The following NRDE2 variants were observed in gnomAD, a reference collection of about 807,000 sequenced individuals.
NRDE2 encodes the protein nuclear exosome regulator NRDE2.
In NRDE2, 76 loss-of-function variants were observed where a neutral mutation model predicts 124.2. That is an observed-to-expected ratio of 0.61 (90% CI 0.51 to 0.74). NRDE2 has a LOEUF of 0.74. NRDE2 is among the 30% of genes least tolerant of loss of function. NRDE2 has a pLI of 0.00. For missense variants in NRDE2, 1,314 were observed against 1,417.3 expected (o/e 0.93, Z 1.17); for synonymous variants, 489 against 528.1 (o/e 0.93, Z 1.01).
intron 4 of NRDE2, among the ~76,000 whole-genome samples, chr14:90,306,594 AG>A (rs1217347272): frequency 1.6e-4 from 24 of 152,116 alleles, no homozygotes; most frequent in Non-Finnish European, 3.1e-4. Context: ...GTGGATCACC[AG>A]AGGTCGGGAG....
In NRDE2 at chr14:90,330,728, A is replaced by C. The variant is rs76967277; in HGVS notation, c.64+1113T>G. 3.9e-3 allele frequency among the ~76,000 whole-genome samples: 594 copies of C among 151,912 alleles called. 4 individuals are homozygous for C. The highest frequency in any genetic ancestry group is 0.014 in the African/African-American group (563 of 41,388). On this transcript the variant is annotated intron_variant, in intron 1 of 13. Transcript: ENST00000354366. ...TTCATGAGGCTGAGGCAGGAAGTTA[A>C]GCCCAGGAGTCTGAGGCGGCAGTGA...
At position 90,273,883 on chromosome 14, in the gene NRDE2, C is replaced by T. The variant is rs1487378650; in HGVS notation, c.*4453G>A. ...GCCCAGTCCCTCTCTCCCACCGACC[C>T]TTCTTTCTGCCTGCCTTTTCTATTC... On this transcript the variant is annotated 3_prime_UTR_variant, in exon 14 of 14. Transcript: ENST00000354366. 4 of 154,996 alleles carry T rather than the reference C, an allele frequency of 2.6e-5. No homozygotes were observed. Among genetic ancestry groups the T allele is most frequent in the African/African-American group, 9.6e-5 (4 of 41,540 alleles). The allele number at this position is 154,996 out of a possible 1,614,324, so 9.6% of individuals were successfully genotyped here. A position where few individuals can be genotyped will look rare whatever the true frequency, so the allele number is the denominator to read the frequency against.
rs1206536304 is a variant in NRDE2 at position 90,276,767 on chromosome 14, C to G, written c.*1569G>C. The G allele has an allele frequency of 6.6e-6, 1 of 152,228 alleles. No homozygotes were observed. Among genetic ancestry groups the G allele is most frequent in the Non-Finnish European group, 1.5e-5 (1 of 68,112 alleles). The allele number at this position is 152,228 out of a possible 1,614,324, so 9.4% of individuals were successfully genotyped here. On this transcript the variant is annotated 3_prime_UTR_variant, in exon 14 of 14. Transcript: ENST00000354366. ...CCAGCTGATCAGAGGCCACGCCCTT[C>G]TAAGTTCTGAACCAGATGAGAAGAG...
rs1595045832 is a variant in NRDE2, at chr14:90,269,629, A to G, written c.*8707T>C. The G allele has an allele frequency of 6.7e-7, 1 of 1,482,744 alleles. No individual in the cohort carries two copies. The allele number at this position is 1,482,744 out of a possible 1,614,324, so 91.8% of individuals were successfully genotyped here. Reference sequence around the variant, plus strand: ...AAGTGTGCTTTGGGAGGCCTATAAAATGATACATAAAAAAGCAAATACTGC... The same window carrying G: ...AAGTGTGCTTTGGGAGGCCTATAAAGTGATACATAAAAAAGCAAATACTGC... On this transcript the variant is annotated 3_prime_UTR_variant, in exon 14 of 14. Coordinates refer to ENST00000354366, the MANE Select transcript of NRDE2 (RefSeq NM_017970.4).
intron 11 of NRDE2, among the ~76,000 whole-genome samples, chr14:90,287,062 A>AAAAAG (rs1555359508): frequency 2.0e-5 from 3 of 149,898 alleles, no homozygotes; most frequent in Non-Finnish European, 4.4e-5. Context: ...AAAAAAAAAA[A>AAAAAG]AGAGAAAGAA....
intron 1 of NRDE2, among the ~76,000 whole-genome samples, chr14:90,320,772 G>A (rs1160653059): frequency 6.6e-6 from 1 of 152,198 alleles, no homozygotes; most frequent in African/African-American, 2.4e-5. Flanking sequence ...ACCAGGCTAA[G>A]AACTTACATC....
chr14:90,294,304 G>T (rs188240009), intron 8 of NRDE2, among the ~76,000 whole-genome samples: 1 of 151,654 alleles, frequency 6.6e-6, no homozygotes, highest in Admixed American at 6.6e-5. Flanking sequence ...ATGGAAAACA[G>T]CATGGCATAC....
chr14:90,291,617 T>A (rs1320891739), intron 9 of NRDE2, among the ~76,000 whole-genome samples: 1 of 148,080 alleles, frequency 6.8e-6, no homozygotes. Flanking sequence ...GCAAGAGGCC[T>A]CCCAGGTAAG....
intron 12 of NRDE2, among the ~76,000 whole-genome samples, chr14:90,281,881 G>A (rs997034604): frequency 1.3e-5 from 2 of 152,178 alleles, no homozygotes; most frequent in African/African-American, 4.8e-5. Context: ...GTTTATCTCT[G>A]ATAGAACTCA....
chr14:90,289,080 T>C lies in NRDE2; in HGVS notation c.2295A>G (p.Lys765=). The part of the protein sequence containing the change: ...RLKSQGKNCK[K]LAKNLLKEPE... The stretch of plus-strand genomic sequence containing the variant: ...GCTCCTTAAGGAGATTCTTGGCTAG[T>C]TTTTTGCAGTTCTTCCCTTGAGACT... The change falls in exon 11 of 14, where the codon AAA becomes AAG. Residue 765 remains lysine, a synonymous_variant. Transcript: ENST00000354366. 1 of 1,613,982 alleles carries C rather than the reference T, an allele frequency of 6.2e-7. No homozygotes were observed. Among genetic ancestry groups the C allele is most frequent in the Middle Eastern group, 1.7e-4 (1 of 6,060 alleles).
At chr14:90,284,335 CTT>C (rs1219207748) in intron 12 of NRDE2, among the ~76,000 whole-genome samples, 1 of 150,824 alleles carries the variant, frequency 6.6e-6, no homozygotes, top group Non-Finnish European at 1.5e-5. Context: ...AAGGAGGTCA[CTT>C]TGTTTTTTTT....
At chr14:90,297,083 G>A (rs1884196580) in intron 8 of NRDE2, among the ~76,000 whole-genome samples, 1 of 149,764 alleles carries the variant, frequency 6.7e-6, no homozygotes, top group Non-Finnish European at 1.5e-5. Context: ...AGGTTGCAGT[G>A]AGCCAAGATC....
In NRDE2 at chr14:90,292,877, A is replaced by T. The variant is rs368797780; in HGVS notation, c.1667-5T>A. The stretch of plus-strand genomic sequence containing the variant: ...CTGGTTCATCGTCATCCTCATCTAG[A>T]CAAGAATGAGACTTCTTCACCTCAT... On this transcript the variant is annotated splice_region_variant and splice_polypyrimidine_tract_variant and intron_variant, in intron 8 of 13. Transcript: ENST00000354366. 1 of 1,610,564 alleles carries T rather than the reference A, an allele frequency of 6.2e-7. No individual in the cohort carries two copies. The highest frequency in any genetic ancestry group is 1.3e-5 in the African/African-American group (1 of 74,812).
Position 90,270,430 on chromosome 14 carries a change from T to G in NRDE2, c.*7906A>C. On this transcript the variant is annotated 3_prime_UTR_variant, in exon 14 of 14. Transcript: ENST00000354366. ...AAAGAGTCTATATGTGCTCTTGGGA[T>G]GGTGGTTGGCCTGGACAGGTGGGTG... 2 of 1,494,010 alleles carry G rather than the reference T, an allele frequency of 1.3e-6. 1 individual carries two copies. The highest frequency in any genetic ancestry group is 2.6e-5 in the South Asian group (2 of 77,746). The allele number at this position is 1,494,010 out of a possible 1,614,324, so 92.5% of individuals were successfully genotyped here. A position where few individuals can be genotyped will look rare whatever the true frequency, so the allele number is the denominator to read the frequency against.
At chr14:90,288,189 G>A (rs748167823) in intron 11 of NRDE2, 28 bp downstream of exon 11, 33 of 1,584,240 alleles carry the variant, frequency 2.1e-5, no homozygotes, top group South Asian at 1.4e-4. Flanking sequence ...CATTTGCGGG[G>A]CACACGAACA....
rs1401375991 is a variant in NRDE2 at position 90,274,832 on chromosome 14, A to ACCC, written c.*3503_*3504insGGG. On this transcript the variant is annotated 3_prime_UTR_variant, in exon 14 of 14. Coordinates refer to ENST00000354366, the MANE Select transcript of NRDE2 (RefSeq NM_017970.4). The stretch of plus-strand genomic sequence containing the variant: ...CACACACACACACACACACACACAC[A>ACCC]CACACACCCCAATACATATGAATTG... The ACCC allele has an allele frequency of 4.6e-5, 3 of 64,608 alleles. No individual in the cohort carries two copies. The highest frequency in any genetic ancestry group is 4.0e-4 in the South Asian group (1 of 2,522). The allele number at this position is 64,608 out of a possible 1,614,324, so 4.0% of individuals were successfully genotyped here. A position where few individuals can be genotyped will look rare whatever the true frequency, so the allele number is the denominator to read the frequency against.
rs1250779900 is a variant in NRDE2, at chr14:90,310,404, G to T, written c.557+1990C>A. On this transcript the variant is annotated intron_variant, in intron 4 of 13. Transcript: ENST00000354366. ...TTTCCTCATTTGTAAAATGAAGAGG[G>T]TTCTCCTCGTCCTCCTCACAGAGCA... Among the ~76,000 whole-genome samples, 6 of 152,184 alleles carry T rather than the reference G, an allele frequency of 3.9e-5. No homozygotes were observed. The South Asian group carries it at 1.2e-3, about 32-fold the overall frequency.
intron 5 of NRDE2, 99 bp from the exon 6 acceptor site, chr14:90,303,224 T>C (rs1290724876): frequency 6.3e-6 from 7 of 1,105,496 alleles, no homozygotes; most frequent in Non-Finnish European, 8.9e-6. Flanking sequence ...CTAGGGACTT[T>C]CTTAAACCAC....
intron 8 of NRDE2, among the ~76,000 whole-genome samples, chr14:90,294,545 C>A (rs1000492543): frequency 2.0e-5 from 3 of 152,122 alleles, no homozygotes; most frequent in African/African-American, 4.8e-5. Context: ...CATGGATGAA[C>A]CCTGACGACA....
Sources: allele counts gnomAD v4.1 joint callset (sites outside exome capture counted in the v4.1 genomes callset), GRCh38; gene constraint gnomAD v4.1.1; transcripts MANE v1.5; gene names NCBI Gene and HGNC (gene_info 2026-07-23, HGNC 2026-07-21).